The following TMEM92 variants were observed in gnomAD, a reference collection of about 807,000 sequenced individuals.
The protein encoded by TMEM92 is transmembrane protein 92.
Under a neutral mutation model 14.6 loss-of-function variants are expected in TMEM92, and 15 were observed. The observed-to-expected ratio is 1.03, with a 90% confidence interval of 0.69 to 1.58. The LOEUF (loss-of-function observed/expected upper bound fraction) is 1.58, where lower values mean the gene tolerates loss of function less well. Among genes scored for constraint, TMEM92 ranks in the 40% most tolerant of loss-of-function variants. TMEM92 has a pLI of 0.00. For missense variants in TMEM92, 174 were observed against 202.4 expected (o/e 0.86, Z 0.85); for synonymous variants, 85 against 83.3 (o/e 1.02, Z -0.11).
intron 1 of TMEM92, among the ~76,000 whole-genome samples, chr17:50,277,203 GGT>G (rs1490359349): frequency 1.3e-5 from 2 of 152,246 alleles, no homozygotes; most frequent in Middle Eastern, 3.4e-3. Flanking sequence ...ACTCCCAGCG[GGT>G]GTGTGTGAGA....
chr17:50,275,979 A>C (rs1910417635), intron 1 of TMEM92, among the ~76,000 whole-genome samples: 1 of 151,946 alleles, frequency 6.6e-6, no homozygotes, highest in Non-Finnish European at 1.5e-5. Flanking sequence ...AACAATACAA[A>C]AATTAGCCAG....
rs1431957927 is a variant in TMEM92 at position 50,279,392 on chromosome 17, G to C, written c.*84G>C. The C allele has an allele frequency of 9.4e-7, 1 of 1,063,752 alleles. No homozygotes were observed. Among genetic ancestry groups the C allele is most frequent in the Non-Finnish European group, 1.4e-6 (1 of 693,848 alleles). The allele number at this position is 1,063,752 out of a possible 1,614,324, so 65.9% of individuals were successfully genotyped here. On this transcript the variant is annotated 3_prime_UTR_variant, in exon 5 of 5. Transcript: ENST00000507382. ...AAGCTAGAGACTGCTGGCACCCCAG[G>C]AATGTCCCTGCCCATCCTGCCGTGT...
Position 50,278,992 on chromosome 17 carries a change from G to A in TMEM92, c.362G>A (p.Ser121Asn). Residue 121 changes from serine to asparagine, a missense_variant, in exon 4 of 5, where the codon AGT (serine) becomes AAT (asparagine). Physicochemically the swap from Ser to Asn is conservative, Grantham distance 46 (BLOSUM62 1). Transcript: ENST00000507382. ...VSLSAPPPPY[S>N]EVILKPSLGP... ...CTTTCTGCGCCCCCACCCCCCTACA[G>A]TGAGGTGGGTGTCTCATCCCCATCC... 1 of 1,582,850 alleles carries A rather than the reference G, an allele frequency of 6.3e-7. No individual in the cohort carries two copies. Among genetic ancestry groups the A allele is most frequent in the Non-Finnish European group, 8.7e-7 (1 of 1,154,756 alleles).
chr17:50,275,800 C>T (rs1249499227), intron 1 of TMEM92, among the ~76,000 whole-genome samples: 1 of 152,082 alleles, frequency 6.6e-6, no homozygotes. Flanking sequence ...GGATGGACCC[C>T]TCGATTTGTC....
chr17:50,273,757 C>A (rs867710104), upstream of TMEM92, among the ~76,000 whole-genome samples: 112 of 152,234 alleles, frequency 7.4e-4, 1 homozygote, highest in Middle Eastern at 0.017. Context: ...TACCCTAGAA[C>A]CTTCGCCTTC....
rs201413291 is a variant in TMEM92 at position 50,278,633 on chromosome 17, G to A, written c.170+3G>A. 1.9e-6 allele frequency: 3 copies of A among 1,613,722 alleles called. No homozygotes were observed. The highest frequency in any genetic ancestry group is 1.3e-5 in the African/African-American group (1 of 75,034). On this transcript the variant is annotated splice_donor_region_variant and intron_variant, in intron 3 of 4. Transcript: ENST00000507382. ...GAGCTCTTCCCTGGCCCCGTGAGGT[G>A]AGCCCAGGGCCAGCTCCTTTGGGTG...
At chr17:50,278,735 G>T (rs572368260) in intron 3 of TMEM92, 66 bp from the exon 4 acceptor site, 2 of 1,564,954 alleles carry the variant, frequency 1.3e-6, no homozygotes, top group Non-Finnish European at 8.6e-7. Context: ...GGCGGGAGCG[G>T]GGAGATGTAG....
chr17:50,279,128 A>G, intron 4 of TMEM92, 67 bp from the exon 5 acceptor site: 1 of 1,535,576 alleles, frequency 6.5e-7, no homozygotes, highest in Admixed American at 1.7e-5. Context: ...ACCATGCCTC[A>G]GCTGGGATGG....
At chr17:50,278,698 G>A in intron 3 of TMEM92, 68 bp downstream of exon 3, 1 of 1,586,114 alleles carries the variant, frequency 6.3e-7, no homozygotes, top group Non-Finnish European at 8.6e-7. Context: ...GACAAGGCCA[G>A]GCACCTGCCG....
At chr17:50,276,641 T>C (rs1910442004) in intron 1 of TMEM92, among the ~76,000 whole-genome samples, 1 of 152,182 alleles carries the variant, frequency 6.6e-6, no homozygotes, top group South Asian at 2.1e-4. Context: ...ACCCATTTCC[T>C]ATGTTCTGGC....
rs1173107065 is a variant in TMEM92, at chr17:50,278,946, C to G, written c.316C>G (p.Pro106Ala). Residue 106 changes from proline (P) to alanine (A), a missense_variant, in exon 4 of 5, where the codon CCA becomes GCA. Physicochemically the swap from Pro to Ala is conservative, Grantham distance 27. Transcript: ENST00000507382. Reference sequence around the variant, plus strand: ...CCTGGAACTGCCCTCCATCATCCCCCCAGAGAGGGTCAGAGTATCCCTTTC... The same window carrying G: ...CCTGGAACTGCCCTCCATCATCCCCGCAGAGAGGGTCAGAGTATCCCTTTC... The part of the protein sequence containing the change: ...GPLELPSIIP[P>A]ERVRVSLSAP... 3 of 1,613,462 alleles carry G rather than the reference C, an allele frequency of 1.9e-6. No individual in the cohort carries two copies. Among genetic ancestry groups the G allele is most frequent in the African/African-American group, 2.7e-5 (2 of 74,874 alleles).
At chr17:50,272,910 T>A (rs1003611111), upstream of TMEM92, among the ~76,000 whole-genome samples, 31 of 151,250 alleles carry the variant, frequency 2.0e-4, no homozygotes, top group Non-Finnish European at 3.4e-4. Flanking sequence ...CGAGAGAAAC[T>A]GGGTGCGGAC....
Position 50,278,802 on chromosome 17 carries a change from A to G in TMEM92, c.172A>G (p.Ile58Val). Residue 58 changes from isoleucine to valine, a missense_variant and splice_region_variant, in exon 4 of 5, where the codon ATC becomes GTC. Transcript: ENST00000507382. ...ENELFPGPVR[I>V]FVIIFLVILS... is the part of the protein sequence containing the mutation. ...TACTCTTGGTGGTCCCCACCCCAGG[A>G]TCTTCGTCATCATCTTCCTGGTCAT... 1 of 1,608,904 alleles carries G rather than the reference A, an allele frequency of 6.2e-7. No homozygotes were observed. Among genetic ancestry groups the G allele is most frequent in the Non-Finnish European group, 8.5e-7 (1 of 1,177,710 alleles).
intron 1 of TMEM92, 54 bp downstream of exon 1, chr17:50,274,624 G>A: frequency 6.6e-7 from 1 of 1,521,676 alleles, no homozygotes; most frequent in Non-Finnish European, 9.0e-7. Flanking sequence ...TTGTAGGTCA[G>A]GAGCCTGCTT....
Position 50,281,070 on chromosome 17 carries a change from C to T in TMEM92, c.*1762C>T, listed in dbSNP as rs1039239301. The T allele has an allele frequency of 3.9e-5, 6 of 152,152 alleles. No individual in the cohort carries two copies. Among genetic ancestry groups the T allele is most frequent in the Admixed American group, 2.6e-4 (4 of 15,276 alleles). The allele number at this position is 152,152 out of a possible 1,614,324, so 9.4% of individuals were successfully genotyped here. A position where few individuals can be genotyped will look rare whatever the true frequency, so the allele number is the denominator to read the frequency against. On this transcript the variant is annotated 3_prime_UTR_variant, in exon 5 of 5. Transcript: ENST00000507382. The stretch of plus-strand genomic sequence containing the variant: ...TTACCCTCGGCCCAGACGTTGCCTT[C>T]CTTTCATCACAGGGCCTTTAACTCC...
At chr17:50,274,968 A>T in intron 1 of TMEM92, 1 of 203,500 alleles carries the variant, frequency 4.9e-6, no homozygotes, top group South Asian at 8.7e-5. Flanking sequence ...GGACCCTGGG[A>T]TGTCCCCACC....
At chr17:50,278,514 G>C in intron 2 of TMEM92, 42 bp from the exon 3 acceptor site, 1 of 1,609,112 alleles carries the variant, frequency 6.2e-7, no homozygotes, top group Non-Finnish European at 8.5e-7. Context: ...CCATTCTGGT[G>C]CCAGCAACTT....
upstream of TMEM92, among the ~76,000 whole-genome samples, chr17:50,272,071 A>G (rs1299717047): frequency 6.6e-6 from 1 of 152,088 alleles, no homozygotes; most frequent in Non-Finnish European, 1.5e-5. Context: ...GAAATTATTC[A>G]TCGTTTATCT....
chr17:50,279,297 C>A lies in TMEM92; in HGVS notation c.469C>A (p.Pro157Thr). ...CGGGGATCAGAGGGGCATTGACAAC[C>A]CGGCCTTCTGAGTCACCTCCTGCCT... is the stretch of plus-strand genomic sequence containing the variant. Reference protein sequence around the residue: ...YTGDQRGIDNPAF With the variant: ...YTGDQRGIDNTAF Residue 157 changes from proline (P) to threonine (T), a missense_variant, in exon 5 of 5, where the codon CCG becomes ACG. Pro to Thr is a conservative substitution (Grantham distance 38). Coordinates refer to ENST00000507382, the MANE Select transcript of TMEM92 (RefSeq NM_153229.3). The A allele has an allele frequency of 1.2e-6, 2 of 1,613,910 alleles. No homozygotes were observed. Among genetic ancestry groups the A allele is most frequent in the Non-Finnish European group, 1.7e-6 (2 of 1,179,880 alleles).
Sources: gnomAD v4.1 joint callset for allele counts (sites outside exome capture counted in the v4.1 genomes callset) on GRCh38, gnomAD v4.1.1 for gene constraint, MANE v1.5 for transcripts, NCBI Gene and HGNC (gene_info 2026-07-23, HGNC 2026-07-21) for gene names.